Variants in BRF1 observed in about 807,000 individuals in gnomAD.
The protein encoded by BRF1 is transcription factor IIIB 90 kDa subunit.
Under a neutral mutation model 81.7 loss-of-function variants are expected in BRF1, and 59 were observed. The ratio of observed to expected loss-of-function variants is 0.72; its 90% CI spans 0.59 to 0.90. BRF1 has a LOEUF of 0.90. Ranked by LOEUF, BRF1 falls within the 40% of genes least tolerant of loss-of-function variation. The pLI, the probability that BRF1 is intolerant of heterozygous loss-of-function variation, is 0.00. For missense variants in BRF1, 1,050 were observed against 936.3 expected (o/e 1.12, Z -1.58); for synonymous variants, 491 against 395.6 (o/e 1.24, Z -2.86).
intron 3 of BRF1, among the ~76,000 whole-genome samples, chr14:105,266,513 T>C (rs2056424692): frequency 6.6e-6 from 1 of 152,182 alleles, no homozygotes. Flanking sequence ...CATTGGTGTT[T>C]GATAAAATTC....
intron 12 of BRF1, 86 bp from the exon 13 acceptor site, chr14:105,219,318 T>C (rs760648058): frequency 8.2e-6 from 13 of 1,581,822 alleles, no homozygotes; most frequent in Non-Finnish European, 1.0e-5. Flanking sequence ...GGGAAGTATT[T>C]CCACCGTTAG....
Position 105,222,903 on chromosome 14 carries a change from C to T in BRF1, c.1049-989G>A, listed in dbSNP as rs1363195258. Among the ~76,000 whole-genome samples, 4 of 152,334 alleles carry T rather than the reference C, an allele frequency of 2.6e-5. No individual in the cohort carries two copies. In the East Asian group the frequency reaches 7.7e-4, roughly 29 times the overall value. On this transcript the variant is annotated intron_variant, in intron 10 of 17. Transcript: ENST00000547530. ...TCAGCCTCCCAAAGTGCTGGGATTACAGGCGTGAGGCTCTGCGCCTGGCTG... is the reference window on the plus strand; with the variant it reads ...TCAGCCTCCCAAAGTGCTGGGATTATAGGCGTGAGGCTCTGCGCCTGGCTG...
At chr14:105,254,127 C>A (rs2055752591) in intron 4 of BRF1, among the ~76,000 whole-genome samples, 1 of 152,252 alleles carries the variant, frequency 6.6e-6, no homozygotes. Context: ...CCACACCCCC[C>A]AACCTTGTGT....
At chr14:105,302,594 T>C (rs1236694372), upstream of BRF1, among the ~76,000 whole-genome samples, 1 of 152,188 alleles carries the variant, frequency 6.6e-6, no homozygotes, top group Non-Finnish European at 1.5e-5. Context: ...TTCTTCATTT[T>C]TTAAAAATTG....
intron 15 of BRF1, among the ~76,000 whole-genome samples, chr14:105,215,617 AGG>A (rs1891026631): frequency 6.7e-6 from 1 of 149,334 alleles, no homozygotes. Context: ...ACACAGAAAC[AGG>A]CACACACACA....
intron 15 of BRF1, among the ~76,000 whole-genome samples, chr14:105,216,823 G>T (rs1566799298): frequency 6.6e-6 from 1 of 152,186 alleles, no homozygotes; most frequent in African/African-American, 2.4e-5. Flanking sequence ...GACTCGGTGG[G>T]GTGGAGTGAA....
At chr14:105,250,769 GTC>G in intron 5 of BRF1, 1 of 1,279,954 alleles carries the variant, frequency 7.8e-7, no homozygotes, top group Non-Finnish European at 1.1e-6. Context: ...TCTTAACTTT[GTC>G]TCTCTTTGAC....
chr14:105,282,601 GATAA>G (rs2057152684), intron 2 of BRF1, among the ~76,000 whole-genome samples: 1 of 152,168 alleles, frequency 6.6e-6, no homozygotes, highest in South Asian at 2.1e-4. Flanking sequence ...CATAACCCAT[GATAA>G]ATCAATCAAT....
chr14:105,244,740 A>AG (rs1290962313), intron 5 of BRF1, among the ~76,000 whole-genome samples: 1 of 152,174 alleles, frequency 6.6e-6, no homozygotes, highest in African/African-American at 2.4e-5. Context: ...CAGACTGATT[A>AG]GGAAAAAAAA....
intron 4 of BRF1, among the ~76,000 whole-genome samples, chr14:105,253,040 C>T (rs768994547): frequency 2.0e-5 from 3 of 152,372 alleles, no homozygotes; most frequent in African/African-American, 4.8e-5. Flanking sequence ...CCCTGCCCCC[C>T]ACACTGTTCC....
chr14:105,300,747 A>G lies in BRF1; in HGVS notation c.-118T>C. 1 of 803,802 alleles carries G rather than the reference A, an allele frequency of 1.2e-6. No individual in the cohort carries two copies. The highest frequency in any genetic ancestry group is 4.0e-5 in the East Asian group (1 of 25,030). The allele number at this position is 803,802 out of a possible 1,614,324, so 49.8% of individuals were successfully genotyped here. A position where few individuals can be genotyped will look rare whatever the true frequency, so the allele number is the denominator to read the frequency against. On this transcript the variant is annotated 5_prime_UTR_variant, in exon 1 of 18. Transcript: ENST00000547530. ...CCGCCCAGGCCTCGCCGCTCTCGCG[A>G]GGCCCCGCTCCAGCCGATTCGCAGC...
intron 1 of BRF1, among the ~76,000 whole-genome samples, chr14:105,290,375 C>T (rs1162993663): frequency 6.6e-6 from 1 of 152,098 alleles, no homozygotes; most frequent in South Asian, 2.1e-4. Flanking sequence ...GCCGAGATCG[C>T]GCCATTGCAC....
At chr14:105,310,440 G>T (rs1451332837) in intron 1 of BRF1, among the ~76,000 whole-genome samples, 1 of 143,360 alleles carries the variant, frequency 7.0e-6, no homozygotes, top group Non-Finnish European at 1.5e-5. Flanking sequence ...TGAGGCAGGA[G>T]AATGGCATGA....
intron 10 of BRF1, among the ~76,000 whole-genome samples, chr14:105,225,419 A>ACC (rs982987844): frequency 1.3e-4 from 20 of 152,006 alleles, no homozygotes; most frequent in African/African-American, 4.8e-4. Context: ...ACCCGCTTAT[A>ACC]CCCCCTCCCT....
chr14:105,313,104 C>A (rs587706520), intron 1 of BRF1, among the ~76,000 whole-genome samples: 1 of 152,198 alleles, frequency 6.6e-6, no homozygotes, highest in Non-Finnish European at 1.5e-5. Flanking sequence ...ACGGCTTAGT[C>A]ACCCCGCATC....
At chr14:105,226,610 G>A (rs112450452) in intron 8 of BRF1, 24 bp downstream of exon 8, 10 of 1,612,492 alleles carry the variant, frequency 6.2e-6, no homozygotes, top group East Asian at 2.2e-5. Flanking sequence ...GCCCAGCACA[G>A]ACAGACACCA....
chr14:105,215,143 G>A (rs1246378265), intron 15 of BRF1, among the ~76,000 whole-genome samples: 8 of 152,184 alleles, frequency 5.3e-5, no homozygotes, highest in Admixed American at 2.0e-4. Flanking sequence ...AGCAGTGCAC[G>A]AACACGCAGA....
At chr14:105,218,844 G>A (rs1457498430) in intron 14 of BRF1, among the ~76,000 whole-genome samples, 154 bp downstream of exon 14, 1 of 152,232 alleles carries the variant, frequency 6.6e-6, no homozygotes, top group African/African-American at 2.4e-5. Context: ...AGTGGTTAAG[G>A]ACGTGGGTCT....
At chr14:105,252,433 G>T (rs2055665491) in intron 5 of BRF1, 74 bp downstream of exon 5, 3 of 1,566,524 alleles carry the variant, frequency 1.9e-6, no homozygotes, top group East Asian at 2.3e-5. Flanking sequence ...TCCCTCCACT[G>T]TTCAAAGGAC....
Sources: allele counts gnomAD v4.1 joint callset (sites outside exome capture counted in the v4.1 genomes callset), GRCh38; gene constraint gnomAD v4.1.1; transcripts MANE v1.5; gene names NCBI Gene and HGNC (gene_info 2026-07-23, HGNC 2026-07-21).